Variants in CCDC141 observed in about 807,000 individuals in gnomAD.
CCDC141 encodes the protein coiled-coil domain containing 141.
A neutral mutation model predicts 181.0 loss-of-function variants in CCDC141; 168 were observed. That is an observed-to-expected ratio of 0.93 (90% confidence interval 0.82 to 1.05). The LOEUF (loss-of-function observed/expected upper bound fraction) is 1.05. CCDC141 is among the 50% of genes least tolerant of loss of function. The probability of loss-of-function intolerance (pLI) is 0.00; values close to 1 mark genes in which losing one functional copy is unlikely to be tolerated. For missense variants in CCDC141, 1,902 were observed against 1,788.5 expected (o/e 1.06, Z -1.14); for synonymous variants, 666 against 642.3 (o/e 1.04, Z -0.56).
intron 2 of CCDC141, among the ~76,000 whole-genome samples, chr2:179,012,357 T>C (rs554462841): frequency 2.0e-5 from 3 of 152,078 alleles, no homozygotes; most frequent in Non-Finnish European, 2.9e-5. Flanking sequence ...TTCATGCACA[T>C]AGAAAACCTA....
chr2:179,020,418 A>G (rs962280696), intron 2 of CCDC141, among the ~76,000 whole-genome samples: 11 of 152,114 alleles, frequency 7.2e-5, no homozygotes, highest in Non-Finnish European at 7.4e-5. Context: ...GCTTACCTAG[A>G]AATATACACC....
At chr2:178,930,813 G>A (rs1197954629) in intron 6 of CCDC141, among the ~76,000 whole-genome samples, 2 of 151,876 alleles carry the variant, frequency 1.3e-5, no homozygotes, top group Non-Finnish European at 2.9e-5. Flanking sequence ...ACTCAAAATG[G>A]AACAAAGATC....
chr2:179,021,878 T>G (rs890451104), intron 2 of CCDC141, among the ~76,000 whole-genome samples: 1 of 152,220 alleles, frequency 6.6e-6, no homozygotes, highest in Non-Finnish European at 1.5e-5. Flanking sequence ...TCAGATATTT[T>G]CTTCTCAGTT....
At chr2:179,047,469 C>T in intron 1 of CCDC141, 63 bp from the exon 2 acceptor site, 3 of 1,326,486 alleles carry the variant, frequency 2.3e-6, no homozygotes, top group Non-Finnish European at 3.0e-6. Context: ...CTTCACCCTT[C>T]TCATTTTTAA....
At chr2:178,899,828 A>C (rs560494136) in intron 8 of CCDC141, among the ~76,000 whole-genome samples, 1 of 152,228 alleles carries the variant, frequency 6.6e-6, no homozygotes, top group African/African-American at 2.4e-5. Flanking sequence ...TATTATCCTT[A>C]CATTCTATTT....
intron 4 of CCDC141, among the ~76,000 whole-genome samples, chr2:178,968,129 A>G (rs1431499156): frequency 6.6e-6 from 1 of 152,178 alleles, no homozygotes; most frequent in Non-Finnish European, 1.5e-5. Context: ...CTCCCATACA[A>G]TAATAGTGGG....
At chr2:178,990,606 G>GAGGGA (rs1362258055) in intron 2 of CCDC141, among the ~76,000 whole-genome samples, 8 of 115,698 alleles carry the variant, frequency 6.9e-5, no homozygotes, top group East Asian at 3.2e-4. Context: ...GAGGGGAGGG[G>GAGGGA]AGGGAAGGGA....
At chr2:178,961,921 G>A (rs1333738574) in intron 4 of CCDC141, among the ~76,000 whole-genome samples, 1 of 152,190 alleles carries the variant, frequency 6.6e-6, no homozygotes, top group African/African-American at 2.4e-5. Context: ...AGATATCAGG[G>A]ACTATGACAA....
At chr2:178,871,994 C>T in intron 13 of CCDC141, 139 bp downstream of exon 13, 1 of 832,302 alleles carries the variant, frequency 1.2e-6, no homozygotes, top group Non-Finnish European at 1.8e-6. Context: ...CTACAGGGAC[C>T]TCATTTATAA....
chr2:178,897,761 T>C (rs1288196269), intron 8 of CCDC141, among the ~76,000 whole-genome samples: 1 of 152,194 alleles, frequency 6.6e-6, no homozygotes, highest in Non-Finnish European at 1.5e-5. Flanking sequence ...GGTTTTTGTA[T>C]GTTTTTGAGC....
intron 6 of CCDC141, among the ~76,000 whole-genome samples, chr2:178,923,642 C>A (rs1688802028): frequency 6.6e-6 from 1 of 152,126 alleles, no homozygotes; most frequent in African/African-American, 2.4e-5. Context: ...CAAAGCCTTC[C>A]ATTTCCTTGG....
At chr2:178,930,379 C>T (rs758825174) in intron 6 of CCDC141, among the ~76,000 whole-genome samples, 1 of 152,052 alleles carries the variant, frequency 6.6e-6, no homozygotes, top group Non-Finnish European at 1.5e-5. Context: ...TGGCAATACT[C>T]CCCAAAGTAC....
chr2:179,015,105 A>ATATATATATAG (rs2042417495), intron 2 of CCDC141, among the ~76,000 whole-genome samples: 2 of 21,354 alleles, frequency 9.4e-5, no homozygotes, highest in African/African-American at 2.2e-4. Flanking sequence ...TATATATATA[A>ATATATATATAG]TATATATATA....
At chr2:178,900,628 C>G (rs542114340) in intron 8 of CCDC141, among the ~76,000 whole-genome samples, 1 of 152,248 alleles carries the variant, frequency 6.6e-6, no homozygotes, top group Non-Finnish European at 1.5e-5. Flanking sequence ...GAACCTCAAA[C>G]ACAGAATGTA....
At chr2:178,827,489 A>T (rs1434544630), downstream of CCDC141, among the ~76,000 whole-genome samples, 1 of 152,148 alleles carries the variant, frequency 6.6e-6, no homozygotes, top group African/African-American at 2.4e-5. Context: ...ATGTCTAAAG[A>T]CAACTTTCCT....
At chr2:178,929,884 A>C (rs186912841) in intron 6 of CCDC141, among the ~76,000 whole-genome samples, 8 of 152,258 alleles carry the variant, frequency 5.3e-5, no homozygotes, top group Admixed American at 3.3e-4. Flanking sequence ...CTGATGAATC[A>C]GAATCTGCCT....
intron 21 of CCDC141, 94 bp from the exon 22 acceptor site, chr2:178,845,836 C>G (rs1684917075): frequency 5.2e-6 from 4 of 765,156 alleles, no homozygotes; most frequent in African/African-American, 1.7e-5. Flanking sequence ...AGACCACTTG[C>G]AACCTTTCAG....
At chr2:178,886,424 A>G (rs1382101826) in intron 10 of CCDC141, among the ~76,000 whole-genome samples, 2 of 152,230 alleles carry the variant, frequency 1.3e-5, no homozygotes, top group East Asian at 3.8e-4. Context: ...AAAATTGCCA[A>G]TAGTCAGAGA....
chr2:178,982,807 A>T (rs1691495071), intron 2 of CCDC141, among the ~76,000 whole-genome samples: 1 of 152,168 alleles, frequency 6.6e-6, no homozygotes, highest in Admixed American at 6.5e-5. Context: ...CCTGGCTCGG[A>T]GGGTCCTACC....
Sources: gnomAD v4.1 joint callset for allele counts (sites outside exome capture counted in the v4.1 genomes callset) on GRCh38, gnomAD v4.1.1 for gene constraint, MANE v1.5 for transcripts, NCBI Gene and HGNC (gene_info 2026-07-23, HGNC 2026-07-21) for gene names.